Variants in DSCAM observed in about 807,000 individuals in gnomAD.
DSCAM encodes DS cell adhesion molecule, also known as cell adhesion molecule DSCAM.
Under a neutral mutation model 217.7 loss-of-function variants are expected in DSCAM, and 47 were observed. That is an observed-to-expected ratio of 0.22 (90% CI 0.17 to 0.28). The LOEUF is 0.28. Ranked by LOEUF, DSCAM falls within the 10% of genes least tolerant of loss-of-function variation. The pLI, the probability that DSCAM is intolerant of heterozygous loss-of-function variation, is 1.00. For synonymous variants in DSCAM, 1,056 were observed against 1,015.3 expected, an observed-to-expected ratio of 1.04 and a Z score of -0.76; for missense variants, 2,080 against 2,618.3, an observed-to-expected ratio of 0.79 and a Z score of 4.49.
rs769755381 is a variant in DSCAM at position 40,134,007 on chromosome 21, G to A, written c.3409C>T (p.Leu1137=). The change falls in exon 19 of 33, where the codon CTG becomes TTG. Residue 1137 remains leucine (L), a splice_region_variant and synonymous_variant. Transcript: ENST00000400454. ...GTGGTGATGTTTTTAATCTCACCCA[G>A]CTCTGGAGGACAAGAACAAGAAAAC... ...IYWANLMDGE[L]GEIKNITTTQ... 1 of 1,604,520 alleles carries A rather than the reference G, an allele frequency of 6.2e-7. No individual in the cohort carries two copies. Among genetic ancestry groups the A allele is most frequent in the South Asian group, 1.1e-5 (1 of 89,560 alleles).
chr21:40,324,938 G>C (rs1387684383), intron 8 of DSCAM, among the ~76,000 whole-genome samples: 1 of 152,170 alleles, frequency 6.6e-6, no homozygotes, highest in Non-Finnish European at 1.5e-5. Flanking sequence ...ACCCCAACCA[G>C]AGGTGACGAC....
intron 8 of DSCAM, among the ~76,000 whole-genome samples, chr21:40,336,325 T>C (rs1372259303): frequency 1.3e-5 from 2 of 152,228 alleles, no homozygotes; most frequent in Admixed American, 6.5e-5. Flanking sequence ...ACAATTACAA[T>C]TGATGGTGTT....
At chr21:40,469,517 T>C (rs2075871327) in intron 3 of DSCAM, among the ~76,000 whole-genome samples, 1 of 152,212 alleles carries the variant, frequency 6.6e-6, no homozygotes, top group African/African-American at 2.4e-5. Context: ...TTTTGTGCTT[T>C]GAAGTGTGGA....
intron 3 of DSCAM, among the ~76,000 whole-genome samples, chr21:40,516,419 T>C (rs1601707482): frequency 6.6e-6 from 1 of 152,092 alleles, no homozygotes; most frequent in African/African-American, 2.4e-5. Flanking sequence ...CCCAAAACAC[T>C]GGCAGTTCCT....
chr21:40,138,054 A>G (rs1341150781), intron 18 of DSCAM, among the ~76,000 whole-genome samples: 3 of 152,248 alleles, frequency 2.0e-5, no homozygotes, highest in Non-Finnish European at 4.4e-5. Context: ...ACCATGAAAA[A>G]AAAATCAGAA....
chr21:40,185,439 AGGC>A (rs2090883281), intron 14 of DSCAM, among the ~76,000 whole-genome samples: 1 of 152,210 alleles, frequency 6.6e-6, no homozygotes, highest in Non-Finnish European at 1.5e-5. Flanking sequence ...CACTGAGCCC[AGGC>A]CTGCCACCAG....
At chr21:40,032,222 G>A (rs948256811) in intron 32 of DSCAM, among the ~76,000 whole-genome samples, 1 of 152,084 alleles carries the variant, frequency 6.6e-6, no homozygotes, top group African/African-American at 2.4e-5. Context: ...ATCCATCTTT[G>A]GATCTCATGG....
chr21:40,378,935 A>G (rs943760382), intron 3 of DSCAM, among the ~76,000 whole-genome samples: 2 of 152,174 alleles, frequency 1.3e-5, no homozygotes, highest in African/African-American at 4.8e-5. Context: ...CAATCAAGGG[A>G]TAAATAAGTA....
chr21:40,036,048 C>T lies in DSCAM; in HGVS notation c.5686+6323G>A. Among the ~76,000 whole-genome samples, 2 of 127,644 alleles carry T rather than the reference C, an allele frequency of 1.6e-5. 1 individual carries two copies. The highest frequency in any genetic ancestry group is 6.2e-5 in the African/African-American group (2 of 32,474). 83.7% of individuals were successfully genotyped at this position (127,644 alleles called of 152,430 possible). On this transcript the variant is annotated intron_variant, in intron 32 of 32. Transcript: ENST00000400454. ...GAGGGAAATTTATAGCACTAAATGC[C>T]CACAAGAGAAAGCAGGAAAGATCCA...
intron 3 of DSCAM, among the ~76,000 whole-genome samples, chr21:40,580,549 A>T (rs915483438): frequency 6.6e-6 from 1 of 152,020 alleles, no homozygotes; most frequent in Non-Finnish European, 1.5e-5. Flanking sequence ...AAAAAAAAAC[A>T]AAACAGACTA....
intron 3 of DSCAM, among the ~76,000 whole-genome samples, chr21:40,416,527 AAG>A (rs1358213778): frequency 1.3e-5 from 2 of 152,190 alleles, no homozygotes; most frequent in African/African-American, 2.4e-5. Context: ...TAAGCAGACA[AAG>A]AGTTTGGAGA....
At chr21:40,388,549 G>A (rs1481750039) in intron 3 of DSCAM, among the ~76,000 whole-genome samples, 1 of 152,104 alleles carries the variant, frequency 6.6e-6, no homozygotes, top group Admixed American at 6.5e-5. Flanking sequence ...TGAGAAACCA[G>A]ACCTTGCTCT....
At chr21:40,687,707 T>C (rs1446861993) in intron 3 of DSCAM, among the ~76,000 whole-genome samples, 2 of 152,176 alleles carry the variant, frequency 1.3e-5, no homozygotes, top group African/African-American at 4.8e-5. Flanking sequence ...AATCACAACC[T>C]CCTTTCTGAA....
At chr21:40,455,399 A>T (rs1048481994) in intron 3 of DSCAM, among the ~76,000 whole-genome samples, 6 of 152,202 alleles carry the variant, frequency 3.9e-5, no homozygotes, top group African/African-American at 1.4e-4. Context: ...ATTAAAAAAT[A>T]AAAAAACTGA....
At chr21:40,146,982 A>G (rs73225222) in intron 16 of DSCAM, among the ~76,000 whole-genome samples, 2,784 of 152,362 alleles carry the variant, frequency 0.018, 47 homozygotes, top group Non-Finnish European at 0.028. Context: ...AACGTCACCT[A>G]TAAGTCAAAT....
intron 3 of DSCAM, among the ~76,000 whole-genome samples, chr21:40,676,808 T>A (rs1213599634): frequency 6.6e-6 from 1 of 152,180 alleles, no homozygotes; most frequent in Non-Finnish European, 1.5e-5. Flanking sequence ...AGATTTTTTT[T>A]AAAGTCTTGA....
chr21:40,736,393 T>C (rs1212284375), intron 1 of DSCAM, among the ~76,000 whole-genome samples: 1 of 151,984 alleles, frequency 6.6e-6, no homozygotes, highest in Non-Finnish European at 1.5e-5. Context: ...GGTAAGCTCA[T>C]GGGGGCCGTG....
intron 9 of DSCAM, among the ~76,000 whole-genome samples, chr21:40,306,063 C>T (rs1468851990): frequency 1.3e-5 from 2 of 151,864 alleles, no homozygotes; most frequent in Admixed American, 6.6e-5. Context: ...ATTGATTCTT[C>T]CTACCCATGA....
At chr21:40,180,987 A>C (rs974146295) in intron 14 of DSCAM, among the ~76,000 whole-genome samples, 1 of 151,914 alleles carries the variant, frequency 6.6e-6, no homozygotes, top group Non-Finnish European at 1.5e-5. Flanking sequence ...GTGACTTATA[A>C]ATCCTCTCTG....
Sources: allele counts gnomAD v4.1 joint callset (sites outside exome capture counted in the v4.1 genomes callset), GRCh38; gene constraint gnomAD v4.1.1; transcripts MANE v1.5; gene names NCBI Gene and HGNC (gene_info 2026-07-23, HGNC 2026-07-21).